The following PLXNA2 variants were observed in gnomAD, a reference collection of about 807,000 sequenced individuals.
PLXNA2 encodes plexin A2.
In PLXNA2, 91 loss-of-function variants were observed where a neutral mutation model predicts 193.5. The observed-to-expected ratio is 0.47, with a 90% CI of 0.40 to 0.56. The LOEUF (loss-of-function observed/expected upper bound fraction) is 0.56. PLXNA2 is among the 20% of genes least tolerant of loss of function. PLXNA2 has a pLI of 0.00. For missense variants in PLXNA2, 1,995 were observed against 2,503.2 expected (o/e 0.80, Z 4.33); for synonymous variants, 997 against 1,027.3 (o/e 0.97, Z 0.56).
chr1:208,034,641 TG>T, intron 26 of PLXNA2, 49 bp from the exon 27 acceptor site: 1 of 1,201,758 alleles, frequency 8.3e-7, no homozygotes, highest in Non-Finnish European at 1.2e-6. Flanking sequence ...GTAGGTGTCT[TG>T]GGAAGTTGGA....
chr1:208,165,373 C>G (rs1019013801), intron 3 of PLXNA2, among the ~76,000 whole-genome samples: 5 of 152,138 alleles, frequency 3.3e-5, no homozygotes, highest in African/African-American at 4.8e-5. Context: ...CACAGCATGC[C>G]TGTGAGGTGA....
intron 4 of PLXNA2, among the ~76,000 whole-genome samples, chr1:208,122,257 T>C (rs1667829277): frequency 6.6e-6 from 1 of 152,182 alleles, no homozygotes; most frequent in Admixed American, 6.5e-5. Context: ...TCAAATTACT[T>C]CTATTATAAT....
chr1:208,179,465 G>A (rs972588585), intron 3 of PLXNA2, among the ~76,000 whole-genome samples: 1 of 152,100 alleles, frequency 6.6e-6, no homozygotes, highest in African/African-American at 2.4e-5. Context: ...CTGTGGTCAG[G>A]AACCTCCTCC....
rs201718455 is a variant in PLXNA2, at chr1:208,084,429, A to G, written c.2249T>C (p.Val750Ala). The G allele has an allele frequency of 2.3e-4, 378 of 1,614,200 alleles. 1 individual carries two copies. In the Middle Eastern group the frequency reaches 2.6e-3, roughly 11 times the overall value. Residue 750 changes from valine (V) to alanine (A), a missense_variant, in exon 10 of 32, where the codon GTC becomes GCC. By Grantham distance (64) the Val-to-Ala change is moderately conservative. Transcript: ENST00000367033. ...GGAGCTGTTGAAGCGCAGAGCGGGG[A>G]CCCGGTGGATGGCTCCTTGTATGTT... ...VLNIQGAIHR[V>A]PALRFNSSSV...
intron 3 of PLXNA2, among the ~76,000 whole-genome samples, chr1:208,150,976 C>T (rs1668745546): frequency 6.6e-6 from 1 of 152,196 alleles, no homozygotes; most frequent in South Asian, 2.1e-4. Flanking sequence ...GGCCTTAGTC[C>T]AACCCCACCT....
intron 17 of PLXNA2, among the ~76,000 whole-genome samples, chr1:208,050,545 T>C (rs766844234): frequency 1.3e-5 from 2 of 152,204 alleles, no homozygotes; most frequent in Admixed American, 6.5e-5. Context: ...ATAAAAATCA[T>C]TGTAGGGCTG....
intron 12 of PLXNA2, among the ~76,000 whole-genome samples, chr1:208,073,697 T>C (rs1454983638): frequency 6.6e-6 from 1 of 151,988 alleles, no homozygotes; most frequent in Non-Finnish European, 1.5e-5. Context: ...ATAGGGTCTT[T>C]AAAGAGGTAA....
Position 208,095,609 on chromosome 1 carries a change from G to T in PLXNA2, c.1982+420C>A, listed in dbSNP as rs113307277. 2.3e-3 allele frequency among the ~76,000 whole-genome samples: 354 copies of T among 152,242 alleles called. 2 individuals carry two copies. Among genetic ancestry groups the T allele is most frequent in the African/African-American group, 8.1e-3 (336 of 41,544 alleles). ...CTGCTCCTCCTCTGTGGGTGACTGT[G>T]TGCATAGCCGAGTCGCTATCTCGGA... On this transcript the variant is annotated intron_variant, in intron 8 of 31. Transcript: ENST00000367033.
At chr1:208,085,157 C>CA (rs1296957898) in intron 9 of PLXNA2, among the ~76,000 whole-genome samples, 2 of 151,644 alleles carry the variant, frequency 1.3e-5, no homozygotes, top group Non-Finnish European at 2.9e-5. Flanking sequence ...AAAACAAAAC[C>CA]AAAAAAGAAA....
chr1:208,080,564 G>A (rs531369541), intron 11 of PLXNA2, among the ~76,000 whole-genome samples: 1 of 152,268 alleles, frequency 6.6e-6, no homozygotes, highest in African/African-American at 2.4e-5. Flanking sequence ...CCCAGGGAAA[G>A]GGTAATTTTA....
At chr1:208,191,822 A>G (rs1451713272) in intron 3 of PLXNA2, among the ~76,000 whole-genome samples, 2 of 152,170 alleles carry the variant, frequency 1.3e-5, no homozygotes, top group African/African-American at 4.8e-5. Flanking sequence ...GAGGTGGTGT[A>G]TCAGCATGTG....
At chr1:208,033,285 A>C in intron 28 of PLXNA2, 34 bp downstream of exon 28, 1 of 1,576,546 alleles carries the variant, frequency 6.3e-7, no homozygotes. Flanking sequence ...CTCCTTTAAC[A>C]AGCACTCCCT....
chr1:208,083,666 A>G (rs1666418675), intron 10 of PLXNA2, among the ~76,000 whole-genome samples: 1 of 151,750 alleles, frequency 6.6e-6, no homozygotes. Context: ...CCTCATCTCC[A>G]GCTGACCCCC....
chr1:208,199,799 T>A (rs1023390512), intron 3 of PLXNA2, among the ~76,000 whole-genome samples: 5 of 151,966 alleles, frequency 3.3e-5, no homozygotes. Flanking sequence ...AGAACCTGGG[T>A]GAGTTTCAGC....
At chr1:208,180,103 A>C (rs1669791205) in intron 3 of PLXNA2, among the ~76,000 whole-genome samples, 1 of 151,620 alleles carries the variant, frequency 6.6e-6, no homozygotes, top group African/African-American at 2.4e-5. Flanking sequence ...ACTTGTGAAC[A>C]TGTGCTTGGG....
At chr1:208,149,050 T>G (rs1052887409) in intron 3 of PLXNA2, among the ~76,000 whole-genome samples, 46 of 152,336 alleles carry the variant, frequency 3.0e-4, no homozygotes, top group Non-Finnish European at 2.1e-4. Flanking sequence ...TCTGGCGTCC[T>G]CAAATTCACT....
rs192978507 is a variant in PLXNA2 at position 208,236,005 on chromosome 1, C to T, written c.-81+7638G>A. ...AAGGGACTTGTTAGAAAGTTTTAAGCAGCTGGAGTCAGGGTGGGGCATCAG... is the reference window on the plus strand; with the variant it reads ...AAGGGACTTGTTAGAAAGTTTTAAGTAGCTGGAGTCAGGGTGGGGCATCAG... On this transcript the variant is annotated intron_variant, in intron 1 of 31. Transcript: ENST00000367033. This position sits in a 1 kb window ranked among gnomAD's most constrained non-coding sequence, Gnocchi z 4.4. 6.6e-6 allele frequency among the ~76,000 whole-genome samples: 1 copy of T among 152,220 alleles called. No individual in the cohort carries two copies. The highest frequency in any genetic ancestry group is 1.9e-4 in the East Asian group (1 of 5,172).
At chr1:208,135,356 C>CTGAA (rs1165196854) in intron 4 of PLXNA2, among the ~76,000 whole-genome samples, 1 of 152,214 alleles carries the variant, frequency 6.6e-6, no homozygotes, top group Non-Finnish European at 1.5e-5. Context: ...CCCCCACATA[C>CTGAA]TGAAGGTAAG....
Position 208,039,689 on chromosome 1 carries a change from T to C in PLXNA2, c.4432A>G (p.Thr1478Ala). The C allele has an allele frequency of 1.2e-6, 2 of 1,614,198 alleles. No individual in the cohort carries two copies. The highest frequency in any genetic ancestry group is 1.7e-6 in the Non-Finnish European group (2 of 1,180,038). ...QMEKGPIDAI[T>A]GEARYSLSED... Reference sequence around the variant, plus strand: ...CTCAGGGAGTAGCGGGCCTCGCCCGTGATGGCATCAATGGGGCCCTTCTCC... The same window carrying C: ...CTCAGGGAGTAGCGGGCCTCGCCCGCGATGGCATCAATGGGGCCCTTCTCC... The change falls in exon 24 of 32, where the codon ACG becomes GCG. Residue 1478 changes from threonine (T) to alanine (A), a missense_variant. Thr to Ala is a moderately conservative substitution (Grantham distance 58). Transcript: ENST00000367033.
Sources: allele counts gnomAD v4.1 joint callset (sites outside exome capture counted in the v4.1 genomes callset), GRCh38; gene constraint gnomAD v4.1.1; non-coding constraint Gnocchi (gnomAD v3.1); transcripts MANE v1.5; gene names NCBI Gene and HGNC (gene_info 2026-07-23, HGNC 2026-07-21).